ABCA13: variants seen among roughly 807,000 people sequenced by gnomAD.
The protein encoded by ABCA13 is ATP binding cassette subfamily A member 13, also known as ATP-binding cassette sub-family A member 13.
In ABCA13, 476 loss-of-function variants were observed where a neutral mutation model predicts 478.7. The observed-to-expected ratio is 0.99, with a 90% CI of 0.92 to 1.07. The LOEUF (loss-of-function observed/expected upper bound fraction) is 1.07. ABCA13 is among the 50% of genes least tolerant of loss of function. The pLI, the probability that ABCA13 is intolerant of heterozygous loss-of-function variation, is 0.00. For missense variants in ABCA13, 6,060 were observed against 5,910.6 expected, an observed-to-expected ratio of 1.03 and a Z score of -0.83; for synonymous variants, 2,252 against 2,158.9, an observed-to-expected ratio of 1.04 and a Z score of -1.20.
rs757660175 is a variant in ABCA13 at position 48,272,617 on chromosome 7, C to T, written c.2951C>T (p.Ser984Leu). Residue 984 changes from serine (S) to leucine (L), a missense_variant, in exon 17 of 62, where the codon TCG becomes TTG. Ser to Leu is a moderately radical substitution (Grantham distance 145). Around this residue, in one of 3 missense-constraint regions of ABCA13, gnomAD observed 4,423 missense variants for 4,309.1 expected, o/e 1.03. Transcript: ENST00000435803. ...TTGAATATTCAGAGTAGAGGCTCTT[C>T]GTTGACTTTCCTTACACAAATCTCA... is the stretch of plus-strand genomic sequence containing the variant. The part of the protein sequence containing the change: ...ELLNIQSRGS[S>L]LTFLTQISKH... 9.9e-6 allele frequency: 16 copies of T among 1,612,810 alleles called. No individual in the cohort carries two copies. Among genetic ancestry groups the T allele is most frequent in the African/African-American group, 2.7e-5 (2 of 74,870 alleles).
intron 42 of ABCA13, among the ~76,000 whole-genome samples, chr7:48,428,687 A>C (rs1050283714): frequency 6.6e-5 from 10 of 152,186 alleles, no homozygotes; most frequent in Admixed American, 5.2e-4. Context: ...AAAAACATAT[A>C]ATTTAGCTAT....
intron 3 of ABCA13, among the ~76,000 whole-genome samples, chr7:48,217,861 T>G (rs1262769216): frequency 1.3e-5 from 2 of 152,180 alleles, no homozygotes; most frequent in Non-Finnish European, 2.9e-5. Flanking sequence ...CCCTTCCCTT[T>G]GCAAGTCTTT....
At chr7:48,562,215 T>A (rs115469144) in intron 55 of ABCA13, among the ~76,000 whole-genome samples, 2,611 of 152,138 alleles carry the variant, frequency 0.017, 81 homozygotes, top group African/African-American at 0.059. Flanking sequence ...AGTTTTTGGT[T>A]GTTTTAGTGC....
intron 42 of ABCA13, among the ~76,000 whole-genome samples, chr7:48,454,196 G>A (rs977494534): frequency 6.6e-6 from 1 of 152,128 alleles, no homozygotes; most frequent in Non-Finnish European, 1.5e-5. Context: ...TGATTGATCC[G>A]GCTGAGTCCT....
chr7:48,333,779 A>T (rs552309390), intron 27 of ABCA13, among the ~76,000 whole-genome samples: 5 of 152,160 alleles, frequency 3.3e-5, no homozygotes, highest in African/African-American at 1.2e-4. Flanking sequence ...GCAGTTGGAG[A>T]AGAAGGGGAC....
chr7:48,246,479 A>C (rs757476227), intron 13 of ABCA13, among the ~76,000 whole-genome samples: 1 of 152,216 alleles, frequency 6.6e-6, no homozygotes, highest in Non-Finnish European at 1.5e-5. Context: ...GTGGGACTGC[A>C]GAATGTTGAA....
intron 55 of ABCA13, among the ~76,000 whole-genome samples, chr7:48,533,642 T>C (rs943505033): frequency 6.6e-6 from 1 of 152,126 alleles, no homozygotes; most frequent in Non-Finnish European, 1.5e-5. Flanking sequence ...TTTTTAGGTG[T>C]AGTAGTAATT....
intron 59 of ABCA13, among the ~76,000 whole-genome samples, chr7:48,635,282 A>G (rs1196584774): frequency 6.6e-6 from 1 of 151,776 alleles, no homozygotes; most frequent in African/African-American, 2.4e-5. Flanking sequence ...GGGATAGATT[A>G]GCAGTTATCT....
At chr7:48,259,082 T>C (rs1055547300) in intron 15 of ABCA13, among the ~76,000 whole-genome samples, 1 of 152,140 alleles carries the variant, frequency 6.6e-6, no homozygotes, top group African/African-American at 2.4e-5. Flanking sequence ...ATGTGTTTTC[T>C]GTTATTTTGT....
Position 48,229,897 on chromosome 7 carries a change from A to G in ABCA13, c.705A>G (p.Val235=), listed in dbSNP as rs1788794052. 1 of 1,614,052 alleles carries G rather than the reference A, an allele frequency of 6.2e-7. No homozygotes were observed. Among genetic ancestry groups the G allele is most frequent in the Non-Finnish European group, 8.5e-7 (1 of 1,179,898 alleles). ...CTTTTTCCCAGGTTTCTGAACTTGT[A>G]CTGAATGTGACCATTTCGACACTGA... ...NQTFSQVSEL[V]LNVTISTLTF... Residue 235 remains valine (V), a synonymous_variant, in exon 7 of 62, where the codon GTA becomes GTG. Transcript: ENST00000435803.
At chr7:48,257,248 C>T (rs77259882) in intron 15 of ABCA13, among the ~76,000 whole-genome samples, 2 of 152,012 alleles carry the variant, frequency 1.3e-5, no homozygotes, top group African/African-American at 4.8e-5. Flanking sequence ...ATAAAACTAT[C>T]CCTGTTTGGA....
chr7:48,392,099 C>T lies in ABCA13; in HGVS notation c.11833C>T (p.Pro3945Ser). 1 of 1,613,912 alleles carries T rather than the reference C, an allele frequency of 6.2e-7. No individual in the cohort carries two copies. ...GCTGCTCTTTGCTTCCATAAAGGCG[C>T]CTCAGTGGACCAAGAAGGAGCTGCA... ...HLLLFASIKAPQWTKKELHQQ... is the reference protein window; with the variant it reads ...HLLLFASIKASQWTKKELHQQ... The change falls in exon 38 of 62, where the codon CCT becomes TCT. Residue 3945 changes from proline to serine, a missense_variant. Physicochemically the swap from Pro to Ser is moderately conservative, Grantham distance 74 (BLOSUM62 -1). This residue lies in a region of ABCA13 where 1,627 missense variants were observed against 1,571.0 expected (regional missense o/e 1.04). Transcript: ENST00000435803.
At chr7:48,386,520 T>A (rs1815216413) in intron 35 of ABCA13, among the ~76,000 whole-genome samples, 1 of 152,150 alleles carries the variant, frequency 6.6e-6, no homozygotes, top group Non-Finnish European at 1.5e-5. Flanking sequence ...AACAGCATGG[T>A]TCTGGTACAA....
At chr7:48,474,674 C>G (rs1827883465) in intron 45 of ABCA13, among the ~76,000 whole-genome samples, 1 of 152,134 alleles carries the variant, frequency 6.6e-6, no homozygotes, top group African/African-American at 2.4e-5. Flanking sequence ...TGAGGCCTTT[C>G]AATTGATAAA....
intron 41 of ABCA13, among the ~76,000 whole-genome samples, chr7:48,412,877 T>A (rs1819467995): frequency 6.6e-6 from 1 of 151,696 alleles, no homozygotes; most frequent in Admixed American, 6.6e-5. Flanking sequence ...AGTGGCGCTA[T>A]CTCGGCTCAC....
At chr7:48,397,796 A>G (rs894984806) in intron 38 of ABCA13, among the ~76,000 whole-genome samples, 2 of 152,244 alleles carry the variant, frequency 1.3e-5, no homozygotes, top group Non-Finnish European at 2.9e-5. Context: ...TGTGAGGGCC[A>G]TGTGCAAATT....
At chr7:48,342,284 C>T (rs924429979) in intron 29 of ABCA13, among the ~76,000 whole-genome samples, 19 of 152,018 alleles carry the variant, frequency 1.2e-4, no homozygotes, top group Admixed American at 6.6e-4. Context: ...TGTTGGGTGC[C>T]GTCTTGAGCA....
At chr7:48,502,357 A>AAC (rs1467470985) in intron 48 of ABCA13, among the ~76,000 whole-genome samples, 2 of 152,218 alleles carry the variant, frequency 1.3e-5, no homozygotes, top group African/African-American at 4.8e-5. Flanking sequence ...CAAATATGAG[A>AAC]ACACTGTTTT....
chr7:48,442,321 G>A (rs1585340641), intron 42 of ABCA13, among the ~76,000 whole-genome samples: 1 of 152,248 alleles, frequency 6.6e-6, no homozygotes, highest in East Asian at 1.9e-4. Flanking sequence ...ATTTCTCACA[G>A]TTATTTTCTA....
Sources: allele counts gnomAD v4.1 joint callset (sites outside exome capture counted in the v4.1 genomes callset), GRCh38; gene constraint gnomAD v4.1.1; regional missense constraint gnomAD v4.1.1; transcripts MANE v1.5; gene names NCBI Gene and HGNC (gene_info 2026-07-23, HGNC 2026-07-21).